The following ATP11B variants were observed in gnomAD, a reference collection of about 807,000 sequenced individuals.
The protein encoded by ATP11B is ATPase phospholipid transporting 11B (putative), also known as phospholipid-transporting ATPase IF.
ATP11B carries 81 observed loss-of-function variants against 157.8 expected under a neutral mutation model. The ratio of observed to expected loss-of-function variants is 0.51; its 90% CI spans 0.43 to 0.62. The LOEUF (loss-of-function observed/expected upper bound fraction) is 0.62, where lower values mean the gene tolerates loss of function less well. Among genes scored for constraint, ATP11B ranks in the 20% least tolerant of loss-of-function variants. The pLI is 0.00. For synonymous variants in ATP11B, 451 were observed against 469.4 expected, an observed-to-expected ratio of 0.96 and a Z score of 0.51; for missense variants, 1,165 against 1,402.2, an observed-to-expected ratio of 0.83 and a Z score of 2.70.
At chr3:182,841,172 A>G (rs978462114) in intron 7 of ATP11B, among the ~76,000 whole-genome samples, 5 of 152,092 alleles carry the variant, frequency 3.3e-5, no homozygotes, top group African/African-American at 9.7e-5. Flanking sequence ...CACCTCCTCA[A>G]TGGAGGCCTA....
intron 9 of ATP11B, among the ~76,000 whole-genome samples, chr3:182,845,725 C>G (rs35039982): frequency 6.6e-6 from 1 of 152,130 alleles, no homozygotes; most frequent in African/African-American, 2.4e-5. Context: ...TAATAGTAGA[C>G]TAGAACCTTG....
chr3:182,797,707 CAAAAAAG>C (rs10576498), intron 1 of ATP11B, among the ~76,000 whole-genome samples: 24,421 of 146,934 alleles, frequency 0.17, 2,614 homozygotes, highest in African/African-American at 0.32. Context: ...GACTCTGTCT[CAAAAAAG>C]AAAAAAGAAA....
intron 15 of ATP11B, among the ~76,000 whole-genome samples, chr3:182,868,414 C>A (rs971065749): frequency 6.6e-6 from 1 of 150,496 alleles, no homozygotes; most frequent in African/African-American, 2.5e-5. Flanking sequence ...AACTTATAAA[C>A]CATTATTCAA....
intron 18 of ATP11B, among the ~76,000 whole-genome samples, chr3:182,872,948 G>A (rs932829405): frequency 6.6e-6 from 1 of 152,136 alleles, no homozygotes; most frequent in Non-Finnish European, 1.5e-5. Flanking sequence ...CCTTCTGCCT[G>A]GGTGATTCTT....
chr3:182,867,673 TC>T (rs1254538256), intron 15 of ATP11B, among the ~76,000 whole-genome samples: 2 of 137,086 alleles, frequency 1.5e-5, no homozygotes, highest in African/African-American at 5.3e-5. Flanking sequence ...AGCCTCCACC[TC>T]CCAGGTTCAA....
At chr3:182,892,193 C>T (rs976546368) in intron 25 of ATP11B, among the ~76,000 whole-genome samples, 2 of 152,138 alleles carry the variant, frequency 1.3e-5, no homozygotes, top group Non-Finnish European at 2.9e-5. Flanking sequence ...TCATGCTTCC[C>T]TTTCCCCAAG....
intron 4 of ATP11B, among the ~76,000 whole-genome samples, chr3:182,834,425 A>T (rs1300273708): frequency 6.6e-6 from 1 of 152,174 alleles, no homozygotes; most frequent in Non-Finnish European, 1.5e-5. Context: ...CCTAACTCCC[A>T]GTCTCCTAGT....
At position 182,853,816 on chromosome 3, in the gene ATP11B, A is replaced by G. The variant is rs938546408; in HGVS notation, c.852-4062A>G. Among the ~76,000 whole-genome samples the G allele has an allele frequency of 4.1e-4, 62 of 152,232 alleles. 1 individual carries two copies. The highest frequency in any genetic ancestry group is 1.9e-4 in the East Asian group (1 of 5,200). On this transcript the variant is annotated intron_variant, in intron 10 of 29. Coordinates refer to ENST00000323116, the MANE Select transcript of ATP11B (RefSeq NM_014616.3). The stretch of plus-strand genomic sequence containing the variant: ...ATACTAAAGTGTATATTGAAATGCA[A>G]TAGCCAAAATGCATATTCAGATGCA...
chr3:182,845,645 A>G (rs1719454790), intron 9 of ATP11B, 123 bp downstream of exon 9: 1 of 682,518 alleles, frequency 1.5e-6, no homozygotes, highest in Non-Finnish European at 2.2e-6. Context: ...ATTTATGATA[A>G]TTTTCTTATA....
chr3:182,838,357 A>G (rs1465257036), intron 7 of ATP11B, among the ~76,000 whole-genome samples: 1 of 151,978 alleles, frequency 6.6e-6, no homozygotes, highest in Non-Finnish European at 1.5e-5. Flanking sequence ...AAAATGGACA[A>G]CTAAGAACTA....
intron 1 of ATP11B, among the ~76,000 whole-genome samples, chr3:182,796,136 A>G (rs569984478): frequency 4.6e-5 from 7 of 152,346 alleles, no homozygotes; most frequent in African/African-American, 1.7e-4. Flanking sequence ...TGGAAAAATC[A>G]GAAAGTTGAC....
At chr3:182,816,584 T>C (rs1181911416) in intron 1 of ATP11B, among the ~76,000 whole-genome samples, 1 of 152,224 alleles carries the variant, frequency 6.6e-6, no homozygotes, top group East Asian at 1.9e-4. Context: ...AATAGTTTGT[T>C]TTGACTCCTG....
intron 21 of ATP11B, among the ~76,000 whole-genome samples, chr3:182,884,472 C>T (rs1722667196): frequency 1.3e-5 from 2 of 151,988 alleles, no homozygotes; most frequent in African/African-American, 2.4e-5. Flanking sequence ...ATTGATGTTC[C>T]TGCTAAATCC....
Position 182,866,258 on chromosome 3 carries a change from AT to A in ATP11B, c.1444-5del. 6.6e-7 allele frequency: 1 copy of A among 1,515,946 alleles called. No homozygotes were observed. The highest frequency in any genetic ancestry group is 8.9e-7 in the Non-Finnish European group (1 of 1,123,892). 93.9% of individuals were successfully genotyped at this position (1,515,946 alleles called of 1,614,324 possible). A position where few individuals can be genotyped will look rare whatever the true frequency, so the allele number is the denominator to read the frequency against. ...TATTTTTATCATGAATATTAATTAC[AT>A]TTTTACAGATTAAAGAACATGATCT... On this transcript the variant is annotated splice_polypyrimidine_tract_variant and intron_variant, in intron 13 of 29. Transcript: ENST00000323116.
chr3:182,845,723 G>T (rs576838519), intron 9 of ATP11B, among the ~76,000 whole-genome samples: 1 of 152,222 alleles, frequency 6.6e-6, no homozygotes, highest in Admixed American at 6.5e-5. Flanking sequence ...TTTAATAGTA[G>T]ACTAGAACCT....
At chr3:182,796,885 C>T (rs1016486587) in intron 1 of ATP11B, among the ~76,000 whole-genome samples, 2 of 152,200 alleles carry the variant, frequency 1.3e-5, no homozygotes, top group African/African-American at 4.8e-5. Context: ...AACAGTATTA[C>T]TAGGATAACT....
intron 21 of ATP11B, 77 bp from the exon 22 acceptor site, chr3:182,884,676 A>T: frequency 7.1e-7 from 1 of 1,408,794 alleles, no homozygotes. Flanking sequence ...AACTATTATA[A>T]ATAATTAAGA....
chr3:182,884,739 C>T lies in ATP11B; in HGVS notation c.2510-14C>T. On this transcript the variant is annotated splice_polypyrimidine_tract_variant and intron_variant, in intron 21 of 29. Coordinates refer to ENST00000323116, the MANE Select transcript of ATP11B (RefSeq NM_014616.3). ...AGTTATCAGTGAACATGTCTTTTGT[C>T]CCTTTTATTATAGGAATCATGGGTA... 17 of 1,581,930 alleles carry T rather than the reference C, an allele frequency of 1.1e-5. No individual in the cohort carries two copies. The highest frequency in any genetic ancestry group is 1.5e-5 in the Non-Finnish European group (17 of 1,171,338).
chr3:182,867,186 C>T (rs1440394106), intron 14 of ATP11B, among the ~76,000 whole-genome samples, 190 bp from the exon 15 acceptor site: 1 of 148,866 alleles, frequency 6.7e-6, no homozygotes, highest in Admixed American at 6.6e-5. Context: ...GCTTTGGCCT[C>T]CTGAAGTGCT....
Sources: allele counts gnomAD v4.1 joint callset (sites outside exome capture counted in the v4.1 genomes callset), GRCh38; gene constraint gnomAD v4.1.1; transcripts MANE v1.5; gene names NCBI Gene and HGNC (gene_info 2026-07-23, HGNC 2026-07-21).